ALKBH2: variants seen among roughly 807,000 people sequenced by gnomAD.
ALKBH2 encodes DNA oxidative demethylase ALKBH2.
ALKBH2 carries 19 observed loss-of-function variants against 19.7 expected under a neutral mutation model. The ratio of observed to expected loss-of-function variants is 0.97; its 90% CI spans 0.67 to 1.42. The LOEUF is 1.42. ALKBH2 is among the 40% of genes most tolerant of loss of function. ALKBH2 has a pLI of 0.00. For synonymous variants in ALKBH2, 135 were observed against 131.2 expected (o/e 1.03, Z -0.20); for missense variants, 310 against 328.5 (o/e 0.94, Z 0.43).
At position 109,088,384 on chromosome 12, in the gene ALKBH2, C is replaced by G. The variant is rs33962311; in HGVS notation, c.608G>C (p.Arg203Pro). 6.2e-7 allele frequency: 1 copy of G among 1,613,932 alleles called. No homozygotes were observed. Among genetic ancestry groups the G allele is most frequent in the Non-Finnish European group, 8.5e-7 (1 of 1,179,988 alleles). The change falls in exon 4 of 4, where the codon CGT becomes CCT. Residue 203 changes from arginine to proline, a missense_variant. Physicochemically the swap from Arg to Pro is moderately radical, Grantham distance 103. Transcript: ENST00000429722. This position sits in a 1 kb window ranked among gnomAD's most constrained non-coding sequence, Gnocchi z 4.2. ...RDFVFRHKDS[R>P]GKSPSRRVAV... The stretch of plus-strand genomic sequence containing the variant: ...CACCCTCCTGGAGGGGCTTTTCCCA[C>G]GGGAATCCTTATGCCGGAAGACAAA...
chr12:109,092,157 G>C (rs1413175495), intron 2 of ALKBH2: 1 of 187,264 alleles, frequency 5.3e-6, no homozygotes, highest in Non-Finnish European at 1.1e-5. Flanking sequence ...CAAGTGGTCA[G>C]CCTGCACTCG....
intron 3 of ALKBH2, chr12:109,089,543 G>A (rs2135860362): frequency 5.1e-6 from 1 of 196,378 alleles, no homozygotes; most frequent in Non-Finnish European, 1.1e-5. Flanking sequence ...GAGAAACCTT[G>A]CCCTAATCGC....
intron 2 of ALKBH2, among the ~76,000 whole-genome samples, chr12:109,091,708 T>TTTG (rs56157891): frequency 4.1e-4 from 62 of 151,694 alleles, no homozygotes; most frequent in South Asian, 8.3e-4. Flanking sequence ...CAGCTCATTT[T>TTTG]TTGTTGTTGT....
chr12:109,091,832 G>A (rs184734384), intron 2 of ALKBH2, among the ~76,000 whole-genome samples: 39 of 152,302 alleles, frequency 2.6e-4, no homozygotes, highest in Non-Finnish European at 3.8e-4. Flanking sequence ...TTACAGGCGC[G>A]AGCCACCACG....
rs1263887511 is a variant in ALKBH2, at chr12:109,088,720, TTTATTA to T, written c.480-214_480-209del. ...TTGACGTATTTGTTCATGTGACTTA[TTTATTA>T]TTATTTTTGAGAGGGTCTCGCTCTG... On this transcript the variant is annotated intron_variant, in intron 3 of 3. Transcript: ENST00000429722. This position sits in a 1 kb window ranked among gnomAD's most constrained non-coding sequence, Gnocchi z 4.2. 1.3e-5 allele frequency among the ~76,000 whole-genome samples: 2 copies of T among 152,198 alleles called. No individual in the cohort carries two copies. The highest frequency in any genetic ancestry group is 2.1e-4 in the South Asian group (1 of 4,822).
intron 3 of ALKBH2, 22 bp downstream of exon 3, chr12:109,089,987 A>G (rs779371252): frequency 1.9e-6 from 3 of 1,613,048 alleles, no homozygotes; most frequent in South Asian, 1.1e-5. Flanking sequence ...TGTAACATTG[A>G]GTCCACTAAA....
In ALKBH2 at chr12:109,093,411, T is replaced by TCGC. The variant is rs2042095564; in HGVS notation, c.-319_-317dup. ...TGGGGGTGGCAAGAGTGCTCTAGCA[T>TCGC]CGCAGCTCCGGCGCAGATCGGAATC... On this transcript the variant is annotated 5_prime_UTR_variant, in exon 1 of 4. Transcript: ENST00000429722. 6.6e-6 allele frequency: 1 copy of TCGC among 152,214 alleles called. No homozygotes were observed. Among genetic ancestry groups the TCGC allele is most frequent in the African/African-American group, 2.4e-5 (1 of 41,366 alleles). The allele number at this position is 152,214 out of a possible 1,614,324, so 9.4% of individuals were successfully genotyped here.
chr12:109,092,153 G>A (rs77041698), intron 2 of ALKBH2: 2,936 of 182,846 alleles, frequency 0.016, 53 homozygotes, highest in African/African-American at 0.047. Flanking sequence ...CAAACAAGTG[G>A]TCAGCCTGCA....
chr12:109,088,572 C>T lies in ALKBH2; in HGVS notation c.480-60G>A. ...AACCCTCTCCTGAAACTCACCAGCA[C>T]CGCCAGCCCTCGTTTTCCTCACAGT... On this transcript the variant is annotated intron_variant, in intron 3 of 3. Coordinates refer to ENST00000429722, the MANE Select transcript of ALKBH2 (RefSeq NM_001145374.2). This position sits in a 1 kb window ranked among gnomAD's most constrained non-coding sequence, Gnocchi z 4.2. 6.8e-7 allele frequency: 1 copy of T among 1,476,262 alleles called. No individual in the cohort carries two copies. The highest frequency in any genetic ancestry group is 9.2e-7 in the Non-Finnish European group (1 of 1,091,444). The allele number at this position is 1,476,262 out of a possible 1,614,324, so 91.4% of individuals were successfully genotyped here. A position where few individuals can be genotyped will look rare whatever the true frequency, so the allele number is the denominator to read the frequency against.
intron 1 of ALKBH2, 130 bp from the exon 2 acceptor site, chr12:109,093,067 C>T: frequency 4.1e-6 from 2 of 488,506 alleles, no homozygotes; most frequent in South Asian, 6.3e-5. Flanking sequence ...CTGCACTCCA[C>T]GCCTGAGCAC....
intron 2 of ALKBH2, among the ~76,000 whole-genome samples, chr12:109,091,412 G>A (rs1169229265): frequency 6.6e-6 from 1 of 152,028 alleles, no homozygotes; most frequent in African/African-American, 2.4e-5. Context: ...AAGTGACGAG[G>A]GGGTCTCACT....
At chr12:109,090,335 G>T in intron 2 of ALKBH2, 128 bp from the exon 3 acceptor site, 1 of 728,624 alleles carries the variant, frequency 1.4e-6, no homozygotes, top group Non-Finnish European at 2.3e-6. Flanking sequence ...GGGTATTCAA[G>T]ATTGAAAGGG....
At position 109,088,537 on chromosome 12, in the gene ALKBH2, G is replaced by A. The variant is rs2042005835; in HGVS notation, c.480-25C>T. 1.3e-6 allele frequency: 2 copies of A among 1,556,096 alleles called. No individual in the cohort carries two copies. The highest frequency in any genetic ancestry group is 1.7e-6 in the Non-Finnish European group (2 of 1,148,352). ...CCTGCAATGAGAAAACAAACACAGT[G>A]CATAAAAACAACCCTCTCCTGAAAC... On this transcript the variant is annotated intron_variant, in intron 3 of 3. Transcript: ENST00000429722. This position sits in a 1 kb window ranked among gnomAD's most constrained non-coding sequence, Gnocchi z 4.2.
In ALKBH2 at chr12:109,092,880, G is replaced by A. The variant is rs964510879; in HGVS notation, c.-94C>T. 2.8e-5 allele frequency: 43 copies of A among 1,511,318 alleles called. No homozygotes were observed. Among genetic ancestry groups the A allele is most frequent in the Non-Finnish European group, 3.4e-5 (39 of 1,133,276 alleles). The allele number at this position is 1,511,318 out of a possible 1,614,324, so 93.6% of individuals were successfully genotyped here. The stretch of plus-strand genomic sequence containing the variant: ...CAGTGCAAAAATCTGTTTGTCCAAG[G>A]GGTCTCACAGCAACATTCCTAGTTT... On this transcript the variant is annotated 5_prime_UTR_variant, in exon 2 of 4. Transcript: ENST00000429722.
chr12:109,092,763 C>T lies in ALKBH2; in HGVS notation c.24G>A (p.Gly8=). The T allele has an allele frequency of 1.2e-6, 2 of 1,613,560 alleles. No homozygotes were observed. The highest frequency in any genetic ancestry group is 1.7e-6 in the Non-Finnish European group (2 of 1,179,702). The part of the protein sequence containing the change: MDRFLVK[G]AQGGLLRKQE... Reference sequence around the variant, plus strand: ...GCTTCCTCAAAAGGCCCCCTTGAGCCCCTTTCACCAGGAATCTGTCCATCC... The same window carrying T: ...GCTTCCTCAAAAGGCCCCCTTGAGCTCCTTTCACCAGGAATCTGTCCATCC... Residue 8 remains glycine, a synonymous_variant, in exon 2 of 4, where the codon GGG becomes GGA. Coordinates refer to ENST00000429722, the MANE Select transcript of ALKBH2 (RefSeq NM_001145374.2).
chr12:109,090,355 A>AT, intron 2 of ALKBH2, 148 bp from the exon 3 acceptor site: 2 of 684,602 alleles, frequency 2.9e-6, no homozygotes, highest in Non-Finnish European at 5.0e-6. Flanking sequence ...GAAGTAAGGA[A>AT]TAACATTTCC....
At chr12:109,089,785 A>C (rs991637563) in intron 3 of ALKBH2, 18 of 557,510 alleles carry the variant, frequency 3.2e-5, no homozygotes, top group Non-Finnish European at 5.4e-5. Flanking sequence ...AGAAGAAATT[A>C]TCTCATTCAG....
rs2042007754 is a variant in ALKBH2, at chr12:109,088,641, GA to G, written c.480-130del. 1.2e-6 allele frequency: 1 copy of G among 817,812 alleles called. No homozygotes were observed. Among genetic ancestry groups the G allele is most frequent in the East Asian group, 2.7e-5 (1 of 37,686 alleles). The allele number at this position is 817,812 out of a possible 1,614,324, so 50.7% of individuals were successfully genotyped here. A position where few individuals can be genotyped will look rare whatever the true frequency, so the allele number is the denominator to read the frequency against. On this transcript the variant is annotated intron_variant, in intron 3 of 3. Transcript: ENST00000429722. The surrounding 1 kb of genome is among the most constrained non-coding windows in gnomAD (Gnocchi z 4.2). Reference sequence around the variant, plus strand: ...TGGCTGTACCTGCCGTTGTTTCTGCGAGGGCTTGAGGTCCACAGTGGGCTCT... The same window carrying G: ...TGGCTGTACCTGCCGTTGTTTCTGCGGGGCTTGAGGTCCACAGTGGGCTCT...
At chr12:109,091,429 C>T (rs2042058969) in intron 2 of ALKBH2, among the ~76,000 whole-genome samples, 1 of 152,142 alleles carries the variant, frequency 6.6e-6, no homozygotes, top group Non-Finnish European at 1.5e-5. Context: ...CACTATGTTG[C>T]CCAGGCTGGA....
Sources: gnomAD v4.1 joint callset for allele counts (sites outside exome capture counted in the v4.1 genomes callset) on GRCh38, gnomAD v4.1.1 for gene constraint, Gnocchi (gnomAD v3.1) non-coding constraint, MANE v1.5 for transcripts, NCBI Gene and HGNC (gene_info 2026-07-23, HGNC 2026-07-21) for gene names.